POU2F2: variants seen among roughly 807,000 people sequenced by gnomAD.
The protein encoded by POU2F2 is POU domain, class 2, transcription factor 2.
Under a neutral mutation model 63.5 loss-of-function variants are expected in POU2F2, and 14 were observed. That is an observed-to-expected ratio of 0.22 (90% CI 0.15 to 0.34). The LOEUF (loss-of-function observed/expected upper bound fraction) is 0.34, where lower values mean the gene tolerates loss of function less well. POU2F2 is among the 10% of genes least tolerant of loss of function. The probability of loss-of-function intolerance (pLI) is 1.00; values close to 1 mark genes in which losing one functional copy is unlikely to be tolerated. For synonymous variants in POU2F2, 306 were observed against 348.6 expected, an observed-to-expected ratio of 0.88 and a Z score of 1.36; for missense variants, 607 against 815.2, an observed-to-expected ratio of 0.74 and a Z score of 3.11.
chr19:42,158,883 G>A (rs912440606), intron 2 of POU2F2, among the ~76,000 whole-genome samples: 8 of 151,554 alleles, frequency 5.3e-5, no homozygotes, highest in Non-Finnish European at 1.2e-4. Context: ...CTCTCTTTTC[G>A]AGGATGTGAG....
intron 5 of POU2F2, among the ~76,000 whole-genome samples, chr19:42,100,085 CT>C (rs948283094): frequency 3.3e-3 from 256 of 77,078 alleles, no homozygotes; most frequent in African/African-American, 7.0e-3. Flanking sequence ...CCCTTTCTTT[CT>C]TTTTTTTTTT....
intron 1 of POU2F2, among the ~76,000 whole-genome samples, chr19:42,167,201 T>C (rs1462585116): frequency 1.3e-5 from 2 of 152,190 alleles, no homozygotes; most frequent in African/African-American, 2.4e-5. Flanking sequence ...ATGCCTGTAA[T>C]CCCAGCACTT....
chr19:42,164,025 A>C (rs764952696), intron 1 of POU2F2, among the ~76,000 whole-genome samples: 15 of 152,244 alleles, frequency 9.9e-5, no homozygotes, highest in Admixed American at 2.0e-4. Flanking sequence ...TTTTTACAAA[A>C]TACACATCCA....
In POU2F2 at chr19:42,091,111, T is replaced by TTG; in HGVS notation, c.*145_*146insCA. 1.8e-6 allele frequency: 1 copy of TTG among 548,656 alleles called. No individual in the cohort carries two copies. Among genetic ancestry groups the TTG allele is most frequent in the Non-Finnish European group, 2.8e-6 (1 of 355,406 alleles). The allele number at this position is 548,656 out of a possible 1,614,324, so 34.0% of individuals were successfully genotyped here. ...TTTCTTTCCTTTTTTTTTTTTTTTT[T>TTG]GGTTGGTTGTTTTTTTGGTCTTTCC... On this transcript the variant is annotated 3_prime_UTR_variant, in exon 15 of 15. Coordinates refer to ENST00000692977, the MANE Select transcript of POU2F2 (RefSeq NM_001394376.1).
Position 42,092,030 on chromosome 19 carries a change from C to A in POU2F2, c.1466+39G>T, listed in dbSNP as rs1390606113. ...TCCCCACCCTAGAAGCAGCAGCGACCCTGCTTCTCCCCACAGCTTCCCACG... is the reference window on the plus strand; with the variant it reads ...TCCCCACCCTAGAAGCAGCAGCGACACTGCTTCTCCCCACAGCTTCCCACG... On this transcript the variant is annotated intron_variant, in intron 13 of 14. Coordinates refer to ENST00000692977, the MANE Select transcript of POU2F2 (RefSeq NM_001394376.1). This position sits in a 1 kb window ranked among gnomAD's most constrained non-coding sequence, Gnocchi z 5.0. 6 of 1,575,622 alleles carry A rather than the reference C, an allele frequency of 3.8e-6. No homozygotes were observed. The highest frequency in any genetic ancestry group is 5.2e-6 in the Non-Finnish European group (6 of 1,161,340).
intron 1 of POU2F2, among the ~76,000 whole-genome samples, chr19:42,124,892 T>G (rs181029644): frequency 7.4e-4 from 113 of 152,198 alleles, no homozygotes; most frequent in Middle Eastern, 3.4e-3. Context: ...GTCAGATGAG[T>G]GAGCACCTTG....
intron 7 of POU2F2, among the ~76,000 whole-genome samples, chr19:42,098,818 A>T (rs1412841390): frequency 6.6e-6 from 1 of 152,242 alleles, no homozygotes; most frequent in East Asian, 1.9e-4. Flanking sequence ...AGTGAAAATT[A>T]TCATTAAAGT....
At chr19:42,150,718 AT>A (rs1372039614) in intron 2 of POU2F2, among the ~76,000 whole-genome samples, 1 of 146,302 alleles carries the variant, frequency 6.8e-6, no homozygotes, top group Non-Finnish European at 1.5e-5. Context: ...TTTCTTATAT[AT>A]TTTTCCCCCA....
chr19:42,088,985 T>C lies in POU2F2; in HGVS notation c.*2272A>G, dbSNP rs139504468. 0.02 allele frequency: 3,089 copies of C among 152,734 alleles called. 67 individuals are homozygous for C. The highest frequency in any genetic ancestry group is 0.044 in the Middle Eastern group (13 of 294). 9.5% of individuals were successfully genotyped at this position (152,734 alleles called of 1,614,324 possible). ...AAGGAAAAAAGAGAACGCTGAGGCC[T>C]GGAGCTCCATCTGCCTCTCCTCAGA... On this transcript the variant is annotated 3_prime_UTR_variant, in exon 15 of 15. Coordinates refer to ENST00000692977, the MANE Select transcript of POU2F2 (RefSeq NM_001394376.1).
At chr19:42,179,425 G>A (rs1460759368), upstream of POU2F2, among the ~76,000 whole-genome samples, 1 of 151,984 alleles carries the variant, frequency 6.6e-6, no homozygotes, top group African/African-American at 2.4e-5. Flanking sequence ...CATGGCTCCC[G>A]CCCCCTGCAG....
chr19:42,159,332 C>A (rs532531293), intron 2 of POU2F2, among the ~76,000 whole-genome samples: 1 of 152,244 alleles, frequency 6.6e-6, no homozygotes, highest in South Asian at 2.1e-4. Flanking sequence ...CCATCATAGT[C>A]CCTACAATGC....
chr19:42,134,884 G>A (rs977358268), upstream of POU2F2, among the ~76,000 whole-genome samples: 2 of 152,190 alleles, frequency 1.3e-5, no homozygotes, highest in East Asian at 3.9e-4. Context: ...CGCGGCCGGC[G>A]AGTCGATCAA....
rs997127327 is a variant in POU2F2, at chr19:42,153,062, G to A, written c.-9+7270C>T. 1.3e-5 allele frequency among the ~76,000 whole-genome samples: 2 copies of A among 152,196 alleles called. No individual in the cohort carries two copies. On this transcript the variant is annotated intron_variant, in intron 2 of 6. Coordinates refer to the POU2F2 transcript ENST00000524801. This position sits in a 1 kb window ranked among gnomAD's most constrained non-coding sequence, Gnocchi z 5.6. ...GGCTGCCCCGCCTTTGGGTCCCTGC[G>A]GGTAGAAGTTGCCTTGGCCTCACCC...
In POU2F2 at chr19:42,116,952, G is replaced by C. The variant is rs1421466854; in HGVS notation, c.369+298C>G. The C allele has an allele frequency of 5.1e-6, 3 of 591,210 alleles. No individual in the cohort carries two copies. The Admixed American group carries it at 6.8e-5, about 13-fold the overall frequency. The allele number at this position is 591,210 out of a possible 1,614,324, so 36.6% of individuals were successfully genotyped here. ...GCTGCACGGCGGCGGCCAGGAGCTG[G>C]GCCTGGGCTTGCTGCAGGAGGAGCT... On this transcript the variant is annotated intron_variant, in intron 5 of 14. Transcript: ENST00000692977.
At chr19:42,097,646 C>T (rs1354872397) in intron 7 of POU2F2, among the ~76,000 whole-genome samples, 1 of 151,772 alleles carries the variant, frequency 6.6e-6, no homozygotes, top group African/African-American at 2.4e-5. Context: ...CCTATCTCTA[C>T]AAAAATTTTA....
intron 1 of POU2F2, among the ~76,000 whole-genome samples, chr19:42,172,771 T>G (rs368830488): frequency 1.3e-5 from 2 of 152,226 alleles, no homozygotes; most frequent in South Asian, 4.1e-4. Context: ...CCCACATCCT[T>G]AGAGCCCTCA....
At chr19:42,129,465 A>C (rs1028128271) in intron 1 of POU2F2, among the ~76,000 whole-genome samples, 1 of 151,656 alleles carries the variant, frequency 6.6e-6, no homozygotes, top group Non-Finnish European at 1.5e-5. Flanking sequence ...CCCTCCCCGG[A>C]CTTTCACTTC....
chr19:42,158,163 A>G (rs1031352256), intron 2 of POU2F2, among the ~76,000 whole-genome samples: 1 of 152,194 alleles, frequency 6.6e-6, no homozygotes, highest in Non-Finnish European at 1.5e-5. Flanking sequence ...GAACCACCTG[A>G]TATTTTGGCA....
intron 1 of POU2F2, among the ~76,000 whole-genome samples, chr19:42,171,966 G>T (rs2034779136): frequency 6.6e-6 from 1 of 152,198 alleles, no homozygotes; most frequent in Non-Finnish European, 1.5e-5. Flanking sequence ...ATGTGTGTGT[G>T]ATTGCAGGCA....
Sources: allele counts gnomAD v4.1 joint callset (sites outside exome capture counted in the v4.1 genomes callset), GRCh38; gene constraint gnomAD v4.1.1; non-coding constraint Gnocchi (gnomAD v3.1); transcripts MANE v1.5; gene names NCBI Gene and HGNC (gene_info 2026-07-23, HGNC 2026-07-21).